The following PRB3 variants were observed in gnomAD, a reference collection of about 807,000 sequenced individuals.
PRB3 encodes the protein basic salivary proline-rich protein 3.
Under a neutral mutation model 10.0 loss-of-function variants are expected in PRB3, and 9 were observed. The ratio of observed to expected loss-of-function variants is 0.90; its 90% confidence interval spans 0.54 to 1.57. The LOEUF (loss-of-function observed/expected upper bound fraction) is 1.57. Ranked by LOEUF, PRB3 falls within the 40% of genes most tolerant of loss-of-function variation. The pLI, the probability that PRB3 is intolerant of heterozygous loss-of-function variation, is 0.00. For missense variants in PRB3, 285 were observed against 385.5 expected (o/e 0.74, Z 2.18); for synonymous variants, 89 against 138.6 (o/e 0.64, Z 2.52).
Position 11,269,677 on chromosome 12 carries a change from G to A in PRB3, c.-8C>T, listed in dbSNP as rs767632649. 2.7e-5 allele frequency: 44 copies of A among 1,613,826 alleles called. No individual in the cohort carries two copies. In the Admixed American group the frequency reaches 5.7e-4, roughly 21 times the overall value. On this transcript the variant is annotated 5_prime_UTR_variant, in exon 1 of 4. Transcript: ENST00000538488. Reference sequence around the variant, plus strand: ...CAGCAGAATCAGTAGCATCTTGCTGGAGGCTCTGGAGTCACTCCCAACTCT... The same window carrying A: ...CAGCAGAATCAGTAGCATCTTGCTGAAGGCTCTGGAGTCACTCCCAACTCT...
In PRB3 at chr12:11,268,655, T is replaced by C; in HGVS notation, c.78A>G (p.Glu26=). The C allele has an allele frequency of 2.5e-6, 4 of 1,613,194 alleles. 1 individual carries two copies. Among genetic ancestry groups the C allele is most frequent in the East Asian group, 4.5e-5 (2 of 44,892 alleles). The part of the protein sequence containing the change: ...AQSLNEDVSQ[E]ESPSVISGKP... Reference sequence around the variant, plus strand: ...TACCTGATATTACGGAGGGAGATTCTTCCTGGCTGACATCTAGAAGAGAAG... The same window carrying C: ...TACCTGATATTACGGAGGGAGATTCCTCCTGGCTGACATCTAGAAGAGAAG... Residue 26 remains glutamate (E), a synonymous_variant, in exon 2 of 4, where the codon GAA becomes GAG. Coordinates refer to ENST00000538488, the MANE Select transcript of PRB3 (RefSeq NM_001394862.1).
intron 1 of PRB3, among the ~76,000 whole-genome samples, chr12:11,268,976 C>G (rs1461946709): frequency 6.6e-6 from 1 of 152,182 alleles, no homozygotes; most frequent in African/African-American, 2.4e-5. Flanking sequence ...TTTTGGTATT[C>G]TTATGCCCTC....
rs12813034 is a variant in PRB3 at position 11,267,447 on chromosome 12, C to G, written c.802G>C (p.Glu268Gln). 2.6e-6 allele frequency: 4 copies of G among 1,541,476 alleles called. 2 individuals are homozygous for G. Among genetic ancestry groups the G allele is most frequent in the Non-Finnish European group, 3.5e-6 (4 of 1,143,438 alleles). Reference sequence around the variant, plus strand: ...TTGCCTCCTTGTGAAGGTGGTCCTTCTGGCTTTCCTGGACGAGGTGGGGGA... The same window carrying G: ...TTGCCTCCTTGTGAAGGTGGTCCTTGTGGCTTTCCTGGACGAGGTGGGGGA... Reference protein sequence around the residue: ...QGPPPRPGKPEGPPSQGGNKP... With the variant: ...QGPPPRPGKPQGPPSQGGNKP... The change falls in exon 3 of 4, where the codon GAA becomes CAA. Residue 268 changes from glutamate (E) to glutamine (Q), a missense_variant. Around this residue, in one of 3 missense-constraint regions of PRB3, gnomAD observed 108 missense variants for 106.9 expected, o/e 1.01. Transcript: ENST00000538488.
At position 11,267,955 on chromosome 12, in the gene PRB3, C is replaced by G. The variant is rs1948610906; in HGVS notation, c.294G>C (p.Lys98Asn). The G allele has an allele frequency of 1.9e-6, 3 of 1,566,532 alleles. No individual in the cohort carries two copies. In the East Asian group the frequency reaches 6.9e-5, roughly 36 times the overall value. ...QSQGPPPRPG[K>N]PEGQPPQGGN... ...CTCCTTGTGGGGGTTGTCCTTCTGGCTTTCCCGGACGAGGTGGGGGACCTT... is the reference window on the plus strand; with the variant it reads ...CTCCTTGTGGGGGTTGTCCTTCTGGGTTTCCCGGACGAGGTGGGGGACCTT... The change falls in exon 3 of 4, where the codon AAG (lysine) becomes AAC (asparagine). Residue 98 changes from lysine (K) to asparagine (N), a missense_variant. Physicochemically the swap from Lys to Asn is moderately conservative, Grantham distance 94. This residue lies in a region of PRB3 where 147 missense variants were observed against 129.4 expected (regional missense o/e 1.14). Coordinates refer to ENST00000538488, the MANE Select transcript of PRB3 (RefSeq NM_001394862.1).
At position 11,267,170 on chromosome 12, in the gene PRB3, T is replaced by A; in HGVS notation, c.*17+6A>T. The A allele has an allele frequency of 6.3e-7, 1 of 1,592,346 alleles. No homozygotes were observed. The highest frequency in any genetic ancestry group is 8.6e-7 in the Non-Finnish European group (1 of 1,160,244). Reference sequence around the variant, plus strand: ...GCACTTGGTGAAGAATAAACTGGAATCATACCTGTCATTGAACCTTGATTA... The same window carrying A: ...GCACTTGGTGAAGAATAAACTGGAAACATACCTGTCATTGAACCTTGATTA... On this transcript the variant is annotated splice_donor_region_variant and intron_variant, in intron 3 of 3. Transcript: ENST00000538488.
chr12:11,268,237 G>C, intron 2 of PRB3, 89 bp from the exon 3 acceptor site: 8 of 1,589,072 alleles, frequency 5.0e-6, no homozygotes, highest in Non-Finnish European at 6.9e-6. Context: ...ACAAAAATAA[G>C]ACCCAGACAC....
rs1948595961 is a variant in PRB3 at position 11,267,293 on chromosome 12, T to G, written c.956A>C (p.Gln319Pro). Residue 319 changes from glutamine to proline, a missense_variant, in exon 3 of 4, where the codon CAG becomes CCG. Physicochemically the swap from Gln to Pro is moderately conservative, Grantham distance 76. Coordinates refer to ENST00000538488, the MANE Select transcript of PRB3 (RefSeq NM_001394862.1). Reference sequence around the variant, plus strand: ...TCCAGCGGGAGGTGGCAGAGGCTGCTGGGGATTGCCTCCTGGTGGGGGTGG... The same window carrying G: ...TCCAGCGGGAGGTGGCAGAGGCTGCGGGGGATTGCCTCCTGGTGGGGGTGG... The part of the protein sequence containing the change: ...QGPPPPGGNP[Q>P]QPLPPPAGKP... 1 of 1,612,616 alleles carries G rather than the reference T, an allele frequency of 6.2e-7. No individual in the cohort carries two copies. The highest frequency in any genetic ancestry group is 1.7e-5 in the Admixed American group (1 of 59,962).
intron 2 of PRB3, 144 bp downstream of exon 2, chr12:11,268,489 T>A: frequency 8.4e-7 from 1 of 1,187,324 alleles, no homozygotes; most frequent in Non-Finnish European, 1.2e-6. Flanking sequence ...AAATCAAGGT[T>A]GCATGAAGAT....
chr12:11,269,411 A>T (rs1160482680), intron 1 of PRB3, among the ~76,000 whole-genome samples, 195 bp downstream of exon 1: 1 of 152,174 alleles, frequency 6.6e-6, no homozygotes, highest in Non-Finnish European at 1.5e-5. Flanking sequence ...CAAATTCTTT[A>T]TTGGATTTTC....
intron 1 of PRB3, among the ~76,000 whole-genome samples, 170 bp downstream of exon 1, chr12:11,269,436 A>G (rs969752296): frequency 2.0e-5 from 3 of 152,232 alleles, no homozygotes; most frequent in African/African-American, 4.8e-5. Flanking sequence ...TACATTAAAT[A>G]AATTAGAAGC....
At chr12:11,266,125 T>G in intron 3 of PRB3, 96 bp from the exon 4 acceptor site, 1 of 419,214 alleles carries the variant, frequency 2.4e-6, no homozygotes, top group Non-Finnish European at 4.8e-6. Context: ...GTACATGAGA[T>G]CCCATCCTCT....
In PRB3 at chr12:11,268,662, C is replaced by T; in HGVS notation, c.71G>A (p.Ser24Asn). Residue 24 changes from serine (S) to asparagine (N), a missense_variant, in exon 2 of 4, where the codon AGC (serine) becomes AAC (asparagine). Physicochemically the swap from Ser to Asn is conservative, Grantham distance 46 (BLOSUM62 1). Coordinates refer to ENST00000538488, the MANE Select transcript of PRB3 (RefSeq NM_001394862.1). Reference sequence around the variant, plus strand: ...TATTACGGAGGGAGATTCTTCCTGGCTGACATCTAGAAGAGAAGCACAGGA... The same window carrying T: ...TATTACGGAGGGAGATTCTTCCTGGTTGACATCTAGAAGAGAAGCACAGGA... ...SSAQSLNEDV[S>N]QEESPSVISG... 1.9e-6 allele frequency: 3 copies of T among 1,613,078 alleles called. No individual in the cohort carries two copies. Among genetic ancestry groups the T allele is most frequent in the South Asian group, 2.2e-5 (2 of 91,070 alleles).
At position 11,268,631 on chromosome 12, in the gene PRB3, A is replaced by T; in HGVS notation, c.100+2T>A. ...ACAGATTGAGAGTGAATTGGGATTTACCTGATATTACGGAGGGAGATTCTT... is the reference window on the plus strand; with the variant it reads ...ACAGATTGAGAGTGAATTGGGATTTTCCTGATATTACGGAGGGAGATTCTT... On this transcript the variant is annotated splice_donor_variant, in intron 2 of 3. Coordinates refer to ENST00000538488, the MANE Select transcript of PRB3 (RefSeq NM_001394862.1). LOFTEE classifies it high-confidence loss of function. 1 of 1,609,586 alleles carries T rather than the reference A, an allele frequency of 6.2e-7. No individual in the cohort carries two copies. The highest frequency in any genetic ancestry group is 8.5e-7 in the Non-Finnish European group (1 of 1,175,816).
rs374099158 is a variant in PRB3, at chr12:11,268,082, T to C, written c.167A>G (p.Lys56Arg). Residue 56 changes from lysine to arginine, a missense_variant, in exon 3 of 4, where the codon AAG becomes AGG. Lys to Arg is a conservative substitution (Grantham distance 26, BLOSUM62 2). This residue lies in a region of PRB3 where 147 missense variants were observed against 129.4 expected (regional missense o/e 1.14). Coordinates refer to ENST00000538488, the MANE Select transcript of PRB3 (RefSeq NM_001394862.1). ...QPQRTPPPPG[K>R]PEGRPPQGGN... The stretch of plus-strand genomic sequence containing the variant: ...TCCTTGTGGGGGTCGTCCTTCTGGC[T>C]TTCCTGGAGGAGGTGGGGTACGTTG... The C allele has an allele frequency of 3.3e-5, 53 of 1,612,806 alleles. No homozygotes were observed. The highest frequency in any genetic ancestry group is 4.4e-5 in the Non-Finnish European group (52 of 1,179,404).
chr12:11,268,001 G>A lies in PRB3; in HGVS notation c.248C>T (p.Pro83Leu), dbSNP rs758002550. The part of the protein sequence containing the change: ...PRPGKPEGPP[P>L]QGGNQSQGPP... ...ACCTTGGGACTGGTTTCCTCCTTGT[G>A]GGGGTGGTCCTTCTGGCTTTCCTGG... The change falls in exon 3 of 4, where the codon CCA becomes CTA. Residue 83 changes from proline (P) to leucine (L), a missense_variant. By Grantham distance (98) the Pro-to-Leu change is moderately conservative. Coordinates refer to ENST00000538488, the MANE Select transcript of PRB3 (RefSeq NM_001394862.1). 6.3e-7 allele frequency: 1 copy of A among 1,594,908 alleles called. No individual in the cohort carries two copies. The highest frequency in any genetic ancestry group is 2.3e-5 in the East Asian group (1 of 44,340).
intron 2 of PRB3, 123 bp from the exon 3 acceptor site, chr12:11,268,271 A>C (rs1215213595): frequency 6.6e-7 from 1 of 1,505,850 alleles, no homozygotes; most frequent in Non-Finnish European, 9.1e-7. Flanking sequence ...TTTTCAGTGA[A>C]GCTCTAGAAC....
At position 11,265,965 on chromosome 12, in the gene PRB3, A is replaced by C. The variant is rs1256495390; in HGVS notation, c.*82T>G. On this transcript the variant is annotated 3_prime_UTR_variant, in exon 4 of 4. Transcript: ENST00000538488. ...TTGGTATATTAAAGGTAGAGCTATG[A>C]CCACCTTCTTCCAATGTCATGGCAT... 1 of 456,362 alleles carries C rather than the reference A, an allele frequency of 2.2e-6. No homozygotes were observed. Among genetic ancestry groups the C allele is most frequent in the Admixed American group, 2.4e-5 (1 of 42,552 alleles). The allele number at this position is 456,362 out of a possible 1,614,324, so 28.3% of individuals were successfully genotyped here. A position where few individuals can be genotyped will look rare whatever the true frequency, so the allele number is the denominator to read the frequency against.
Position 11,268,546 on chromosome 12 carries a change from A to C in PRB3, c.100+87T>G, listed in dbSNP as rs1460765626. 3.4e-6 allele frequency: 5 copies of C among 1,470,236 alleles called. No individual in the cohort carries two copies. In the East Asian group the frequency reaches 1.1e-4, roughly 33 times the overall value. The allele number at this position is 1,470,236 out of a possible 1,614,324, so 91.1% of individuals were successfully genotyped here. A position where few individuals can be genotyped will look rare whatever the true frequency, so the allele number is the denominator to read the frequency against. Reference sequence around the variant, plus strand: ...TAATATTAATCAATTTCTAAAGGAAAATGTTGGTGAGAAGACACTGGAGAA... The same window carrying C: ...TAATATTAATCAATTTCTAAAGGAACATGTTGGTGAGAAGACACTGGAGAA... On this transcript the variant is annotated intron_variant, in intron 2 of 3. Transcript: ENST00000538488.
intron 2 of PRB3, 63 bp downstream of exon 2, chr12:11,268,570 A>T (rs1453483964): frequency 1.3e-6 from 2 of 1,526,406 alleles, no homozygotes; most frequent in Non-Finnish European, 1.8e-6. Context: ...GACACTGGAG[A>T]ACTGATCCAT....
Sources: gnomAD v4.1 joint callset for allele counts (sites outside exome capture counted in the v4.1 genomes callset) on GRCh38, gnomAD v4.1.1 for gene constraint, gnomAD v4.1.1 regional missense constraint, MANE v1.5 for transcripts, NCBI Gene and HGNC (gene_info 2026-07-23, HGNC 2026-07-21) for gene names.